Variants in UBE4A observed in about 807,000 individuals in gnomAD.
UBE4A encodes the protein ubiquitin conjugation factor E4 A.
UBE4A carries 48 observed loss-of-function variants against 117.9 expected under a neutral mutation model. The ratio of observed to expected loss-of-function variants is 0.41; its 90% CI spans 0.32 to 0.52. The LOEUF (loss-of-function observed/expected upper bound fraction) is 0.52. UBE4A is among the 20% of genes least tolerant of loss of function. The probability of loss-of-function intolerance (pLI) is 0.33; values close to 1 mark genes in which losing one functional copy is unlikely to be tolerated. For synonymous variants in UBE4A, 407 were observed against 450.0 expected (o/e 0.90, Z 1.21); for missense variants, 1,067 against 1,296.3 (o/e 0.82, Z 2.72).
At chr11:118,375,811 C>G (rs576632967) in intron 9 of UBE4A, among the ~76,000 whole-genome samples, 1 of 152,272 alleles carries the variant, frequency 6.6e-6, no homozygotes, top group Admixed American at 6.5e-5. Context: ...GAGTCCTCAT[C>G]CTTTTTGAAC....
At position 118,375,374 on chromosome 11, in the gene UBE4A, T is replaced by C. The variant is rs894124519; in HGVS notation, c.1450+145T>C. On this transcript the variant is annotated intron_variant, in intron 9 of 19. Transcript: ENST00000252108. Reference sequence around the variant, plus strand: ...GCTATTTCGATTTTTTTTTCTTTTTTTTTGAGATGGAGTCTTACTCTGTCA... The same window carrying C: ...GCTATTTCGATTTTTTTTTCTTTTTCTTTGAGATGGAGTCTTACTCTGTCA... 41 of 853,254 alleles carry C rather than the reference T, an allele frequency of 4.8e-5. No individual in the cohort carries two copies. The Admixed American group carries it at 1.0e-3, about 21-fold the overall frequency. 52.9% of individuals were successfully genotyped at this position (853,254 alleles called of 1,614,324 possible). A position where few individuals can be genotyped will look rare whatever the true frequency, so the allele number is the denominator to read the frequency against.
At chr11:118,384,541 G>A in intron 13 of UBE4A, 94 bp from the exon 14 acceptor site, 1 of 1,181,868 alleles carries the variant, frequency 8.5e-7, no homozygotes, top group South Asian at 1.4e-5. Context: ...ACACTCAAAA[G>A]CAAATGACTA....
intron 16 of UBE4A, among the ~76,000 whole-genome samples, chr11:118,389,064 G>A (rs1948787220): frequency 6.6e-6 from 1 of 152,218 alleles, no homozygotes; most frequent in Non-Finnish European, 1.5e-5. Flanking sequence ...GCCGAGGCAG[G>A]AGGATCACTT....
Position 118,376,711 on chromosome 11 carries a change from C to A in UBE4A, c.1571+17C>A. The A allele has an allele frequency of 6.2e-7, 1 of 1,606,898 alleles. No homozygotes were observed. Among genetic ancestry groups the A allele is most frequent in the Non-Finnish European group, 8.5e-7 (1 of 1,177,332 alleles). ...ATTTCACAGGTAACTCCTCTGATGT[C>A]ATTAGGAAAAAACAGTTTAGTTGTG... On this transcript the variant is annotated intron_variant, in intron 10 of 19. Transcript: ENST00000252108.
chr11:118,382,443 A>G (rs1359107387), intron 12 of UBE4A, 146 bp from the exon 13 acceptor site: 2 of 173,726 alleles, frequency 1.2e-5, no homozygotes, highest in Non-Finnish European at 2.1e-5. Context: ...GCACCAAGAA[A>G]CTGACAAACT....
At chr11:118,391,026 CA>C (rs1410957513) in intron 18 of UBE4A, among the ~76,000 whole-genome samples, 1 of 151,440 alleles carries the variant, frequency 6.6e-6, no homozygotes, top group Admixed American at 6.6e-5. Flanking sequence ...AAAATCCATG[CA>C]AAAAAAATCA....
chr11:118,375,938 A>G (rs948997857), intron 9 of UBE4A, among the ~76,000 whole-genome samples: 4 of 152,222 alleles, frequency 2.6e-5, no homozygotes, highest in African/African-American at 9.6e-5. Flanking sequence ...AGGTCTTCAT[A>G]GCTGAGTCTT....
rs1591304898 is a variant in UBE4A at position 118,384,864 on chromosome 11, A to G, written c.2331A>G (p.Glu777=). The G allele has an allele frequency of 5.6e-6, 9 of 1,613,860 alleles. No homozygotes were observed. Among genetic ancestry groups the G allele is most frequent in the Non-Finnish European group, 6.8e-6 (8 of 1,179,940 alleles). The part of the protein sequence containing the change: ...DLADYASKNL[E]AMNPPLFLRF... ...CTGACTATGCCTCTAAGAATTTAGA[A>G]GCCATGAATCCCCCACTTTTCCTCC... is the stretch of plus-strand genomic sequence containing the variant. Residue 777 remains glutamate (E), a synonymous_variant, in exon 15 of 20, where the codon GAA becomes GAG. Coordinates refer to ENST00000252108, the MANE Select transcript of UBE4A (RefSeq NM_001204077.2).
Position 118,396,731 on chromosome 11 carries a change from T to C in UBE4A, c.*291T>C, listed in dbSNP as rs1948878200. ...TTGTCTCTTCATATTCTTCTTCCTT[T>C]TCCTAAATGAAATTATATTATTTCA... On this transcript the variant is annotated 3_prime_UTR_variant, in exon 20 of 20. Coordinates refer to ENST00000252108, the MANE Select transcript of UBE4A (RefSeq NM_001204077.2). The C allele has an allele frequency of 4.5e-6, 1 of 222,942 alleles. No individual in the cohort carries two copies. The highest frequency in any genetic ancestry group is 8.7e-6 in the Non-Finnish European group (1 of 115,584). 13.8% of individuals were successfully genotyped at this position (222,942 alleles called of 1,614,324 possible). A position where few individuals can be genotyped will look rare whatever the true frequency, so the allele number is the denominator to read the frequency against.
At chr11:118,373,709 C>G (rs1021612573) in intron 8 of UBE4A, 24 bp downstream of exon 8, 2 of 1,602,338 alleles carry the variant, frequency 1.2e-6, no homozygotes, top group Non-Finnish European at 1.7e-6. Flanking sequence ...CCAGGGTATC[C>G]CAGCCCCCTG....
intron 19 of UBE4A, 149 bp downstream of exon 19, chr11:118,393,044 T>C (rs571413984): frequency 8.0e-5 from 61 of 765,872 alleles, no homozygotes; most frequent in Non-Finnish European, 1.2e-4. Flanking sequence ...TTGGTTTCAA[T>C]TGCTAGGATA....
chr11:118,395,260 C>T lies in UBE4A; in HGVS notation c.3075-1054C>T, dbSNP rs370145833. 9.4e-5 allele frequency among the ~76,000 whole-genome samples: 14 copies of T among 148,428 alleles called. 1 individual carries two copies. The highest frequency in any genetic ancestry group is 6.2e-4 in the Admixed American group (9 of 14,600). On this transcript the variant is annotated intron_variant, in intron 19 of 19. Coordinates refer to ENST00000252108, the MANE Select transcript of UBE4A (RefSeq NM_001204077.2). ...AGGAGAATCCCTTGATCCTGGGAGG[C>T]AAAGGTTGCAGTCAGCCAAGATCAC...
chr11:118,379,553 A>C lies in UBE4A; in HGVS notation c.1679A>C (p.Gln560Pro), dbSNP rs782154128. 1.2e-6 allele frequency: 2 copies of C among 1,614,252 alleles called. No homozygotes were observed. Among genetic ancestry groups the C allele is most frequent in the South Asian group, 1.1e-5 (1 of 91,086 alleles). The change falls in exon 11 of 20, where the codon CAG becomes CCG. Residue 560 changes from glutamine (Q) to proline (P), a missense_variant. Around this residue, in one of 3 missense-constraint regions of UBE4A, gnomAD observed 1,001 missense variants for 1,184.0 expected, o/e 0.85. Coordinates refer to ENST00000252108, the MANE Select transcript of UBE4A (RefSeq NM_001204077.2). ...CCTGCTGCTGACAATCTTCGTGAGC[A>C]GTTTGAACGACTGATGACCATCTAT... The part of the protein sequence containing the change: ...SSPAADNLRE[Q>P]FERLMTIYLS...
Position 118,373,580 on chromosome 11 carries a change from C to G in UBE4A, c.1011C>G (p.Ser337=). ...TGCTGGGAGTAATTCTGAGTATCTC[C>G]TGCTTATTAAAGACTCCGGGTGTTG... ...KTLLGVILSI[S]CLLKTPGVVE... Residue 337 remains serine (S), a synonymous_variant, in exon 8 of 20, where the codon TCC becomes TCG. Transcript: ENST00000252108. The G allele has an allele frequency of 1.2e-6, 2 of 1,614,198 alleles. No individual in the cohort carries two copies. The highest frequency in any genetic ancestry group is 1.7e-5 in the Admixed American group (1 of 60,022).
In UBE4A at chr11:118,398,886, AT is replaced by A; in HGVS notation, c.*2449del. On this transcript the variant is annotated 3_prime_UTR_variant, in exon 20 of 20. Coordinates refer to ENST00000252108, the MANE Select transcript of UBE4A (RefSeq NM_001204077.2). ...GGTGCAAGTGAAGGTGCCAGTTGCTATTTGATATCACACTCTACAAAAGCTT... is the reference window on the plus strand; with the variant it reads ...GGTGCAAGTGAAGGTGCCAGTTGCTATTGATATCACACTCTACAAAAGCTT... 5.4e-6 allele frequency: 1 copy of A among 183,962 alleles called. No homozygotes were observed. 11.4% of individuals were successfully genotyped at this position (183,962 alleles called of 1,614,324 possible).
intron 19 of UBE4A, among the ~76,000 whole-genome samples, chr11:118,395,610 C>T (rs1221867943): frequency 6.6e-6 from 1 of 152,208 alleles, no homozygotes; most frequent in Non-Finnish European, 1.5e-5. Flanking sequence ...TATTCCTTAA[C>T]ATCTCATACT....
rs1250284692 is a variant in UBE4A, at chr11:118,399,083, G to A, written c.*2643G>A. On this transcript the variant is annotated 3_prime_UTR_variant, in exon 20 of 20. Transcript: ENST00000252108. ...GAACCTAGAAACAGAAAATGAAAAG[G>A]TTGATTGAAATAAAACTTGATCAAC... 5 of 456,282 alleles carry A rather than the reference G, an allele frequency of 1.1e-5. No individual in the cohort carries two copies. The highest frequency in any genetic ancestry group is 1.8e-5 in the Non-Finnish European group (4 of 226,832). 28.3% of individuals were successfully genotyped at this position (456,282 alleles called of 1,614,324 possible).
chr11:118,371,899 C>G (rs1184577634), intron 5 of UBE4A, among the ~76,000 whole-genome samples: 3 of 152,148 alleles, frequency 2.0e-5, no homozygotes, highest in Non-Finnish European at 4.4e-5. Context: ...TTGGGGTCCA[C>G]CCTTCTCCCC....
Position 118,375,181 on chromosome 11 carries a change from A to G in UBE4A, c.1402A>G (p.Lys468Glu). ...CTTTAATCCCACATACTGTGCCCTC[A>G]AGGAGTTGAATGATGAAGAACGAAA... Reference protein sequence around the residue: ...LTFNPTYCALKELNDEERKIK... With the variant: ...LTFNPTYCALEELNDEERKIK... Residue 468 changes from lysine (K) to glutamate (E), a missense_variant, in exon 9 of 20, where the codon AAG (lysine) becomes GAG (glutamate). Transcript: ENST00000252108. The G allele has an allele frequency of 6.2e-7, 1 of 1,612,700 alleles. No individual in the cohort carries two copies. Among genetic ancestry groups the G allele is most frequent in the Non-Finnish European group, 8.5e-7 (1 of 1,179,244 alleles).
Sources: gnomAD v4.1 joint callset for allele counts (sites outside exome capture counted in the v4.1 genomes callset) on GRCh38, gnomAD v4.1.1 for gene constraint, gnomAD v4.1.1 regional missense constraint, MANE v1.5 for transcripts, NCBI Gene and HGNC (gene_info 2026-07-23, HGNC 2026-07-21) for gene names.